Variants in AZIN2 observed in about 807,000 individuals in gnomAD.
AZIN2 encodes the protein antizyme inhibitor 2, also known as ODC antizyme inhibitor-2.
AZIN2 carries 28 observed loss-of-function variants against 47.8 expected under a neutral mutation model. That is an observed-to-expected ratio of 0.59 (90% CI 0.43 to 0.80). AZIN2 has a LOEUF of 0.80. Among genes scored for constraint, AZIN2 ranks in the 30% least tolerant of loss-of-function variants. AZIN2 has a pLI of 0.00. For synonymous variants in AZIN2, 221 were observed against 239.4 expected (o/e 0.92, Z 0.71); for missense variants, 535 against 582.5 (o/e 0.92, Z 0.84).
At chr1:33,101,587 T>C (rs1643701285) in intron 10 of AZIN2, among the ~76,000 whole-genome samples, 1 of 151,998 alleles carries the variant, frequency 6.6e-6, no homozygotes, top group Non-Finnish European at 1.5e-5. Context: ...TGGGAGATCT[T>C]GTCTTTGTTT....
intron 11 of AZIN2, chr1:33,119,840 G>A (rs1044428882): frequency 3.3e-6 from 2 of 613,676 alleles, no homozygotes; most frequent in Non-Finnish European, 5.7e-6. Context: ...CTCGATACAT[G>A]TGGATTTCTT....
intron 4 of AZIN2, chr1:33,083,363 C>T (rs1035682190): frequency 1.2e-5 from 2 of 163,420 alleles, no homozygotes; most frequent in South Asian, 1.7e-4. Flanking sequence ...ACATGTTTGG[C>T]CTTTAGCACA....
the AZIN2 span, among the ~76,000 whole-genome samples, chr1:33,156,523 T>G: frequency 1.3e-5 from 2 of 152,340 alleles, no homozygotes; most frequent in South Asian, 4.1e-4. Flanking sequence ...CTCCTATCCC[T>G]CTGACTGCTC....
Position 33,120,277 on chromosome 1 carries a change from G to T in AZIN2, c.*95G>T, listed in dbSNP as rs1377423314. The T allele has an allele frequency of 3.3e-6, 5 of 1,509,854 alleles. No homozygotes were observed. In the African/African-American group the frequency reaches 6.9e-5, roughly 21 times the overall value. The allele number at this position is 1,509,854 out of a possible 1,614,324, so 93.5% of individuals were successfully genotyped here. ...GGCAGGCAAGGGTACCCTTGGCCAG[G>T]ACTCTGGTGCCCACCCTGCCACCCC... On this transcript the variant is annotated 3_prime_UTR_variant, in exon 12 of 12. Coordinates refer to ENST00000294517, the MANE Select transcript of AZIN2 (RefSeq NM_052998.4).
Position 33,120,228 on chromosome 1 carries a change from G to GC in AZIN2, c.*47dup. 6.4e-7 allele frequency: 1 copy of GC among 1,556,072 alleles called. No individual in the cohort carries two copies. The highest frequency in any genetic ancestry group is 8.7e-7 in the Non-Finnish European group (1 of 1,145,252). On this transcript the variant is annotated 3_prime_UTR_variant, in exon 12 of 12. Coordinates refer to ENST00000294517, the MANE Select transcript of AZIN2 (RefSeq NM_052998.4). ...AGAATCCCAGCGGGGCCTCAGAGAT[G>GC]CATCTGGGAGAGGTGGGGAAGATGG...
chr1:33,108,256 G>A (rs1644114455), intron 10 of AZIN2, among the ~76,000 whole-genome samples: 1 of 151,902 alleles, frequency 6.6e-6, no homozygotes, highest in Non-Finnish European at 1.5e-5. Context: ...AATGGTGTTA[G>A]GAAAACTAGA....
chr1:33,084,279 A>T, intron 5 of AZIN2, 152 bp downstream of exon 5: 1 of 803,836 alleles, frequency 1.2e-6, no homozygotes, highest in Non-Finnish European at 1.9e-6. Context: ...GTCTCAAGGG[A>T]TGAGGGAGGG....
chr1:33,127,325 C>A (rs1427568895), downstream of AZIN2, among the ~76,000 whole-genome samples: 1 of 152,268 alleles, frequency 6.6e-6, no homozygotes, highest in Non-Finnish European at 1.5e-5. Context: ...CTTCCGTATT[C>A]GAGAGCCTTC....
At chr1:33,096,599 C>T (rs1299589832) in intron 8 of AZIN2, 108 bp from the exon 9 acceptor site, 2 of 1,402,232 alleles carry the variant, frequency 1.4e-6, no homozygotes, top group African/African-American at 1.4e-5. Flanking sequence ...AATCCTTCTT[C>T]CGGAAATCAA....
chr1:33,115,656 T>C (rs1644506031), intron 10 of AZIN2, among the ~76,000 whole-genome samples: 1 of 152,086 alleles, frequency 6.6e-6, no homozygotes, highest in South Asian at 2.1e-4. Flanking sequence ...TGGGCTGAGA[T>C]CACACCACTA....
chr1:33,155,692 A>G, the AZIN2 span, among the ~76,000 whole-genome samples: 1 of 152,136 alleles, frequency 6.6e-6, no homozygotes, highest in East Asian at 1.9e-4. Context: ...AATGAGGATA[A>G]TAACACTTCC....
intron 5 of AZIN2, among the ~76,000 whole-genome samples, chr1:33,089,468 A>G (rs958823336): frequency 2.6e-5 from 4 of 152,152 alleles, no homozygotes; most frequent in African/African-American, 9.7e-5. Flanking sequence ...AAAAATTATA[A>G]TCAAAGCTCA....
the AZIN2 span, among the ~76,000 whole-genome samples, chr1:33,136,749 C>T: frequency 0.021 from 3,134 of 151,572 alleles, 67 homozygotes; most frequent in African/African-American, 0.047. Flanking sequence ...CCCGTAATCC[C>T]AGCACTTTGG....
At chr1:33,138,586 T>C in the AZIN2 span, among the ~76,000 whole-genome samples, 149 of 143,696 alleles carry the variant, frequency 1.0e-3, no homozygotes, top group African/African-American at 3.2e-3. Flanking sequence ...CATTCCAGTC[T>C]GGGTGACAGA....
chr1:33,147,269 G>A, the AZIN2 span: 2 of 1,614,168 alleles, frequency 1.2e-6, no homozygotes, highest in South Asian at 2.2e-5. The surrounding 1 kb of genome is among the most constrained non-coding windows in gnomAD (Gnocchi z 8.1). Context: ...AGCTTGCCAG[G>A]GAACTTCTCG....
At chr1:33,101,256 TGA>T (rs1643666750) in intron 10 of AZIN2, among the ~76,000 whole-genome samples, 2 of 151,640 alleles carry the variant, frequency 1.3e-5, no homozygotes, top group African/African-American at 4.8e-5. Context: ...CTAGGCGGGT[TGA>T]GAACTCCCAG....
chr1:33,129,808 C>G, the AZIN2 span, among the ~76,000 whole-genome samples: 1 of 152,164 alleles, frequency 6.6e-6, no homozygotes, highest in African/African-American at 2.4e-5. This position sits in a 1 kb window ranked among gnomAD's most constrained non-coding sequence, Gnocchi z 4.1. Flanking sequence ...GAAGTATCAG[C>G]AAGTCATCAG....
chr1:33,111,115 C>T (rs1644267505), intron 10 of AZIN2, among the ~76,000 whole-genome samples: 1 of 152,232 alleles, frequency 6.6e-6, no homozygotes, highest in Admixed American at 6.5e-5. Context: ...CTGGAAGGTG[C>T]AGGCCAGGGC....
rs751090833 is a variant in AZIN2 at position 33,093,267 on chromosome 1, T to C, written c.453-15T>C. On this transcript the variant is annotated splice_polypyrimidine_tract_variant and intron_variant, in intron 6 of 11. Transcript: ENST00000294517. The stretch of plus-strand genomic sequence containing the variant: ...CAGGGTTTGTCCAGCAGAGGGGCAC[T>C]GCGTGTCTCATCAGGATGGTTCTGT... 37 of 1,613,528 alleles carry C rather than the reference T, an allele frequency of 2.3e-5. No homozygotes were observed. In the Admixed American group the frequency reaches 6.2e-4, roughly 27 times the overall value.
Sources: gnomAD v4.1 joint callset for allele counts (sites outside exome capture counted in the v4.1 genomes callset) on GRCh38, gnomAD v4.1.1 for gene constraint, Gnocchi (gnomAD v3.1) non-coding constraint, MANE v1.5 for transcripts, NCBI Gene and HGNC (gene_info 2026-07-23, HGNC 2026-07-21) for gene names.